The following TLE3 variants were observed in gnomAD, a reference collection of about 807,000 sequenced individuals.
TLE3 encodes the protein transducin-like enhancer protein 3.
In TLE3, 14 loss-of-function variants were observed where a neutral mutation model predicts 93.0. The observed-to-expected ratio is 0.15, with a 90% CI of 0.10 to 0.24. The LOEUF is 0.24. TLE3 is among the 10% of genes least tolerant of loss of function. The probability of loss-of-function intolerance (pLI) is 1.00; values close to 1 mark genes in which losing one functional copy is unlikely to be tolerated. For synonymous variants in TLE3, 451 were observed against 425.0 expected (o/e 1.06, Z -0.75); for missense variants, 693 against 1,046.6 (o/e 0.66, Z 4.66).
chr15:70,051,086 C>T (rs2141366994), intron 19 of TLE3: 1 of 223,566 alleles, frequency 4.5e-6, no homozygotes, highest in African/African-American at 2.3e-5. Context: ...GCATCCAGCC[C>T]AGAGCAAAAA....
Position 70,047,938 on chromosome 15 carries a change from C to A in TLE3, c.*2159G>T, listed in dbSNP as rs1470767364. 1.3e-5 allele frequency: 2 copies of A among 152,300 alleles called. No homozygotes were observed. The highest frequency in any genetic ancestry group is 2.9e-5 in the Non-Finnish European group (2 of 68,126). The allele number at this position is 152,300 out of a possible 1,614,324, so 9.4% of individuals were successfully genotyped here. ...TCCAGAGGAAGTCTTAGCTCCTACCCCCCACCCTCCCTGGCGCTTGGATGG... is the reference window on the plus strand; with the variant it reads ...TCCAGAGGAAGTCTTAGCTCCTACCACCCACCCTCCCTGGCGCTTGGATGG... On this transcript the variant is annotated 3_prime_UTR_variant, in exon 20 of 20. Coordinates refer to ENST00000451782, the MANE Select transcript of TLE3 (RefSeq NM_001105192.3).
chr15:70,074,746 T>A, intron 5 of TLE3, 139 bp from the exon 6 acceptor site: 1 of 565,878 alleles, frequency 1.8e-6, no homozygotes, highest in Non-Finnish European at 3.0e-6. Flanking sequence ...AGGGCACAAG[T>A]AGGGGGGAGG....
chr15:70,096,644 T>C (rs2142124694), intron 1 of TLE3, 131 bp downstream of exon 1: 2 of 1,549,938 alleles, frequency 1.3e-6, no homozygotes, highest in South Asian at 2.4e-5. Flanking sequence ...CGCATCCCCC[T>C]TTGTGTGAGA....
At position 70,092,232 on chromosome 15, in the gene TLE3, C is replaced by G. The variant is rs546558760; in HGVS notation, c.234+2300G>C. On this transcript the variant is annotated intron_variant, in intron 4 of 19. Coordinates refer to ENST00000451782, the MANE Select transcript of TLE3 (RefSeq NM_001105192.3). ...GTGGCAGGGCTTTCTTCTACAGAAC[C>G]CTTGCAAACCTAGGGAGTGGCCAGC... Among the ~76,000 whole-genome samples, 16 of 152,308 alleles carry G rather than the reference C, an allele frequency of 1.1e-4. No individual in the cohort carries two copies. In the South Asian group the frequency reaches 2.9e-3, roughly 28 times the overall value.
chr15:70,078,938 A>G (rs149788448), intron 4 of TLE3, among the ~76,000 whole-genome samples: 359 of 152,304 alleles, frequency 2.4e-3, no homozygotes, highest in Non-Finnish European at 4.3e-3. Context: ...GGAGTTGACA[A>G]AAAAGAAACG....
intron 18 of TLE3, 109 bp downstream of exon 18, chr15:70,052,265 A>C: frequency 1.4e-6 from 2 of 1,412,466 alleles, no homozygotes; most frequent in Non-Finnish European, 1.9e-6. Flanking sequence ...GCCTGGTTCC[A>C]GGGCCTAGCT....
chr15:70,074,008 T>C (rs528235170), intron 6 of TLE3, among the ~76,000 whole-genome samples: 4 of 152,342 alleles, frequency 2.6e-5, no homozygotes, highest in African/African-American at 9.6e-5. Context: ...TTCACAAGCG[T>C]ACATGATGAA....
intron 18 of TLE3, among the ~76,000 whole-genome samples, chr15:70,052,159 T>G (rs557484886): frequency 6.6e-6 from 1 of 152,008 alleles, no homozygotes; most frequent in Admixed American, 6.6e-5. Context: ...GTCCTGAGAG[T>G]TCAATAACTC....
intron 1 of TLE3, 166 bp downstream of exon 1, chr15:70,096,606 ACCT>A (rs2058575179): frequency 4.6e-6 from 7 of 1,536,730 alleles, no homozygotes; most frequent in South Asian, 2.4e-5. Context: ...CGCGGAATTA[ACCT>A]CCTCTCTCAA....
chr15:70,074,747 A>AG (rs1325649985), intron 5 of TLE3, 140 bp from the exon 6 acceptor site: 2 of 558,392 alleles, frequency 3.6e-6, no homozygotes, highest in African/African-American at 1.9e-5. Context: ...GGGCACAAGT[A>AG]GGGGGGAGGG....
chr15:70,083,270 G>C (rs1158587297), intron 4 of TLE3, among the ~76,000 whole-genome samples: 4 of 149,236 alleles, frequency 2.7e-5, no homozygotes, highest in Non-Finnish European at 5.9e-5. Context: ...GGACTCTAAA[G>C]AGTTTCATTC....
intron 4 of TLE3, among the ~76,000 whole-genome samples, chr15:70,085,938 T>G (rs1006940756): frequency 1.6e-4 from 25 of 152,234 alleles, no homozygotes; most frequent in Admixed American, 1.1e-3. Context: ...CTTTCTTCAC[T>G]GGAGAGAGAG....
intron 4 of TLE3, among the ~76,000 whole-genome samples, chr15:70,092,407 G>C (rs574431507): frequency 6.6e-6 from 1 of 152,304 alleles, no homozygotes; most frequent in South Asian, 2.1e-4. Context: ...GTTCAGGCTG[G>C]GAACTCAGGC....
At chr15:70,088,859 C>A (rs781138225) in intron 4 of TLE3, among the ~76,000 whole-genome samples, 3 of 152,196 alleles carry the variant, frequency 2.0e-5, no homozygotes, top group Non-Finnish European at 4.4e-5. Flanking sequence ...AGGCCACAAA[C>A]GGCCCAGAGC....
In TLE3 at chr15:70,058,651, G is replaced by A; in HGVS notation, c.918+12C>T. On this transcript the variant is annotated intron_variant, in intron 11 of 19. Transcript: ENST00000451782. The surrounding 1 kb of genome is among the most constrained non-coding windows in gnomAD (Gnocchi z 4.1). The stretch of plus-strand genomic sequence containing the variant: ...CTCCCTTCCCACTCCCTTCCACCCA[G>A]ACCCCACATACATGACCAAGGTCTT... 6.3e-7 allele frequency: 1 copy of A among 1,581,656 alleles called. No homozygotes were observed. The highest frequency in any genetic ancestry group is 8.6e-7 in the Non-Finnish European group (1 of 1,163,136).
In TLE3 at chr15:70,096,834, C is replaced by G. The variant is rs573642801; in HGVS notation, c.-36G>C. On this transcript the variant is annotated 5_prime_UTR_variant, in exon 1 of 20. Transcript: ENST00000451782. ...GGTCGTGATTCCGAGAGCGTGGAAGCGCCGAGAGCCCGGGCCGGGGAGGTG... is the reference window on the plus strand; with the variant it reads ...GGTCGTGATTCCGAGAGCGTGGAAGGGCCGAGAGCCCGGGCCGGGGAGGTG... 8.7e-6 allele frequency: 14 copies of G among 1,603,834 alleles called. No individual in the cohort carries two copies. The African/African-American group carries it at 1.2e-4, about 14-fold the overall frequency.
rs2058614006 is a variant in TLE3, at chr15:70,097,416, G to C, written c.-618C>G. ...CGCGGGCGCTTCGACGCCCCCCCTC[G>C]GAGAGGAGAGCCTGCTGTTCCGTCT... On this transcript the variant is annotated 5_prime_UTR_variant, in exon 1 of 20. Coordinates refer to ENST00000451782, the MANE Select transcript of TLE3 (RefSeq NM_001105192.3). 1 of 411,368 alleles carries C rather than the reference G, an allele frequency of 2.4e-6. No homozygotes were observed. Among genetic ancestry groups the C allele is most frequent in the African/African-American group, 2.1e-5 (1 of 48,676 alleles). The allele number at this position is 411,368 out of a possible 1,614,324, so 25.5% of individuals were successfully genotyped here.
Position 70,059,467 on chromosome 15 carries a change from C to T in TLE3, c.715-7G>A, listed in dbSNP as rs757633557. On this transcript the variant is annotated splice_polypyrimidine_tract_variant and splice_region_variant and intron_variant, in intron 9 of 19. Transcript: ENST00000451782. ...TCTTGTCTCCATCACTGTCCTGCAA[C>T]CAAGAGAGAAGCCAACTGGTCAGTA... 6.2e-6 allele frequency: 10 copies of T among 1,607,240 alleles called. No individual in the cohort carries two copies. Among genetic ancestry groups the T allele is most frequent in the Non-Finnish European group, 8.5e-6 (10 of 1,176,780 alleles).
chr15:70,063,653 G>T (rs1440732877), intron 8 of TLE3, among the ~76,000 whole-genome samples: 1 of 152,224 alleles, frequency 6.6e-6, no homozygotes, highest in Non-Finnish European at 1.5e-5. Flanking sequence ...CAAGGACAGC[G>T]ATGAGGAATA....
Sources: allele counts gnomAD v4.1 joint callset (sites outside exome capture counted in the v4.1 genomes callset), GRCh38; gene constraint gnomAD v4.1.1; non-coding constraint Gnocchi (gnomAD v3.1); transcripts MANE v1.5; gene names NCBI Gene and HGNC (gene_info 2026-07-23, HGNC 2026-07-21).